Variants in MAPKAP1 observed in about 807,000 individuals in gnomAD.
The protein encoded by MAPKAP1 is target of rapamycin complex 2 subunit MAPKAP1.
In MAPKAP1, 20 loss-of-function variants were observed where a neutral mutation model predicts 65.7. That is an observed-to-expected ratio of 0.30 (90% CI 0.21 to 0.44). MAPKAP1 has a LOEUF of 0.44. MAPKAP1 is among the 20% of genes least tolerant of loss of function. The probability of loss-of-function intolerance (pLI) is 1.00; values close to 1 mark genes in which losing one functional copy is unlikely to be tolerated. For synonymous variants in MAPKAP1, 222 were observed against 244.3 expected, an observed-to-expected ratio of 0.91 and a Z score of 0.85; for missense variants, 423 against 648.0, an observed-to-expected ratio of 0.65 and a Z score of 3.77.
chr9:125,683,961 T>C (rs1039330973), intron 1 of MAPKAP1, among the ~76,000 whole-genome samples: 4 of 152,194 alleles, frequency 2.6e-5, no homozygotes, highest in African/African-American at 9.7e-5. Context: ...ATTTCAGGTG[T>C]ACCCTTCTCC....
At chr9:125,681,628 G>A (rs889388295) in intron 1 of MAPKAP1, among the ~76,000 whole-genome samples, 2 of 152,158 alleles carry the variant, frequency 1.3e-5, no homozygotes, top group African/African-American at 2.4e-5. Flanking sequence ...ACTTCTCCAC[G>A]GACACACCTG....
intron 1 of MAPKAP1, among the ~76,000 whole-genome samples, chr9:125,677,591 G>A (rs1223732005): frequency 6.6e-6 from 1 of 152,102 alleles, no homozygotes; most frequent in Non-Finnish European, 1.5e-5. Context: ...AGCTACTCGG[G>A]AGGCTGAGGC....
intron 4 of MAPKAP1, among the ~76,000 whole-genome samples, chr9:125,635,376 C>T (rs374911921): frequency 3.3e-5 from 5 of 152,166 alleles, no homozygotes; most frequent in African/African-American, 9.7e-5. Flanking sequence ...TCTCCATTTC[C>T]CAAACCATCT....
chr9:125,581,099 T>C (rs1487708371), intron 5 of MAPKAP1, among the ~76,000 whole-genome samples: 4 of 152,254 alleles, frequency 2.6e-5, no homozygotes, highest in Non-Finnish European at 4.4e-5. Flanking sequence ...TGTTTAATCA[T>C]TTACCTGCTG....
chr9:125,672,292 A>G (rs762384764), intron 2 of MAPKAP1, 24 bp downstream of exon 2: 3 of 1,611,586 alleles, frequency 1.9e-6, no homozygotes, highest in Admixed American at 3.3e-5. Context: ...AGCTCAGAAG[A>G]CATGACTAGA....
Position 125,625,257 on chromosome 9 carries a change from A to ATT in MAPKAP1, c.498+32393_498+32394insAA, listed in dbSNP as rs1833077308. Among the ~76,000 whole-genome samples, 348 of 64,048 alleles carry ATT rather than the reference A, an allele frequency of 5.4e-3. 1 individual carries two copies. The highest frequency in any genetic ancestry group is 0.013 in the East Asian group (30 of 2,386). The allele number at this position is 64,048 out of a possible 152,430, so 42.0% of individuals were successfully genotyped here. A position where few individuals can be genotyped will look rare whatever the true frequency, so the allele number is the denominator to read the frequency against. ...TCAATAAAAAAAAAATAAATAAATA[A>ATT]AAAAAAAAAAAAAAAAAAAAAAACA... On this transcript the variant is annotated intron_variant, in intron 4 of 11. Transcript: ENST00000265960.
At chr9:125,454,876 A>G (rs1853109013) in intron 10 of MAPKAP1, among the ~76,000 whole-genome samples, 1 of 152,176 alleles carries the variant, frequency 6.6e-6, no homozygotes, top group African/African-American at 2.4e-5. Flanking sequence ...GGCTAGGGTT[A>G]TTCTTCCTTC....
intron 10 of MAPKAP1, among the ~76,000 whole-genome samples, chr9:125,448,721 G>C (rs912150382): frequency 6.6e-5 from 10 of 152,180 alleles, no homozygotes; most frequent in Admixed American, 3.9e-4. Context: ...AAATAGCTGA[G>C]ATGCTGGGCG....
intron 6 of MAPKAP1, among the ~76,000 whole-genome samples, chr9:125,548,923 C>T (rs898084943): frequency 2.6e-5 from 4 of 152,152 alleles, no homozygotes; most frequent in East Asian, 3.8e-4. Context: ...TAAGTTAATA[C>T]ATCATATAAC....
intron 10 of MAPKAP1, among the ~76,000 whole-genome samples, chr9:125,457,338 T>C (rs187351980): frequency 6.6e-5 from 10 of 152,310 alleles, no homozygotes; most frequent in Admixed American, 6.5e-4. Flanking sequence ...GCTCTGGAAT[T>C]TTCATTTGGT....
At chr9:125,614,078 G>C (rs1176195484) in intron 4 of MAPKAP1, among the ~76,000 whole-genome samples, 1 of 152,080 alleles carries the variant, frequency 6.6e-6, no homozygotes, top group Non-Finnish European at 1.5e-5. Context: ...GATTACAGGC[G>C]TGAGCCACCA....
intron 7 of MAPKAP1, among the ~76,000 whole-genome samples, chr9:125,507,428 G>C (rs1829173808): frequency 6.6e-6 from 1 of 152,186 alleles, no homozygotes; most frequent in African/African-American, 2.4e-5. Flanking sequence ...AGGCCGTGCA[G>C]GGCTCCCAGG....
intron 1 of MAPKAP1, among the ~76,000 whole-genome samples, chr9:125,698,940 C>T (rs528243686): frequency 3.3e-5 from 5 of 152,270 alleles, no homozygotes; most frequent in African/African-American, 9.6e-5. Flanking sequence ...ATGAGTCTCA[C>T]TCTTTTATGA....
chr9:125,672,706 T>C, intron 1 of MAPKAP1, 63 bp from the exon 2 acceptor site: 1 of 997,928 alleles, frequency 1.0e-6, no homozygotes, highest in Non-Finnish European at 1.5e-6. Flanking sequence ...GAATCATTTT[T>C]CAGACACATT....
chr9:125,513,200 C>CA (rs1164277270), intron 7 of MAPKAP1: 2 of 152,224 alleles, frequency 1.3e-5, no homozygotes, highest in Non-Finnish European at 2.9e-5. Flanking sequence ...CACACCACTG[C>CA]ACTCAGTGGT....
chr9:125,620,002 C>T (rs911333667), intron 4 of MAPKAP1, among the ~76,000 whole-genome samples: 6 of 152,150 alleles, frequency 3.9e-5, no homozygotes, highest in South Asian at 2.1e-4. Flanking sequence ...ATAAGAGAAA[C>T]GTAATTTAAA....
intron 10 of MAPKAP1, among the ~76,000 whole-genome samples, chr9:125,448,146 G>T (rs772480654): frequency 2.6e-5 from 4 of 152,196 alleles, no homozygotes; most frequent in Non-Finnish European, 4.4e-5. Context: ...AGTCAGCCAG[G>T]TAGGAGTGAG....
chr9:125,595,675 G>C lies in MAPKAP1; in HGVS notation c.499-9948C>G, dbSNP rs1380843846. On this transcript the variant is annotated intron_variant, in intron 4 of 11. Transcript: ENST00000265960. This position sits in a 1 kb window ranked among gnomAD's most constrained non-coding sequence, Gnocchi z 4.0. ...GTCTCTCTTCTCCCTGCCGTCCTAA[G>C]TCAGAGTCTCCTAAAGAGCCGGAAC... 1 of 1,531,666 alleles carries C rather than the reference G, an allele frequency of 6.5e-7. No individual in the cohort carries two copies. The highest frequency in any genetic ancestry group is 1.4e-5 in the African/African-American group (1 of 72,802). 94.9% of individuals were successfully genotyped at this position (1,531,666 alleles called of 1,614,324 possible). A position where few individuals can be genotyped will look rare whatever the true frequency, so the allele number is the denominator to read the frequency against.
In MAPKAP1 at chr9:125,631,544, T is replaced by C. The variant is rs182797650; in HGVS notation, c.498+26107A>G. Among the ~76,000 whole-genome samples the C allele has an allele frequency of 1.6e-3, 241 of 152,364 alleles. 1 individual carries two copies. Among genetic ancestry groups the C allele is most frequent in the Non-Finnish European group, 1.8e-3 (123 of 68,038 alleles). On this transcript the variant is annotated intron_variant, in intron 4 of 11. Transcript: ENST00000265960. ...GACACTTATAGTTGTAAATGTCTGTTGTACAGAACTTACTATACCTCACCA... is the reference window on the plus strand; with the variant it reads ...GACACTTATAGTTGTAAATGTCTGTCGTACAGAACTTACTATACCTCACCA...
Sources: allele counts gnomAD v4.1 joint callset (sites outside exome capture counted in the v4.1 genomes callset), GRCh38; gene constraint gnomAD v4.1.1; non-coding constraint Gnocchi (gnomAD v3.1); transcripts MANE v1.5; gene names NCBI Gene and HGNC (gene_info 2026-07-23, HGNC 2026-07-21).